TMEM237: variants seen among roughly 807,000 people sequenced by gnomAD.
TMEM237 encodes transmembrane protein 237, also known as amyotrophic lateral sclerosis 2 (juvenile) chromosome region, candidate 4.
Under a neutral mutation model 59.1 loss-of-function variants are expected in TMEM237, and 51 were observed. The observed-to-expected ratio is 0.86, with a 90% CI of 0.69 to 1.09. TMEM237 has a LOEUF of 1.09. TMEM237 is among the 50% of genes least tolerant of loss of function. TMEM237 has a pLI of 0.00. For synonymous variants in TMEM237, 140 were observed against 166.1 expected (o/e 0.84, Z 1.21); for missense variants, 475 against 478.3 (o/e 0.99, Z 0.06).
intron 1 of TMEM237, among the ~76,000 whole-genome samples, chr2:201,641,646 G>A (rs1384223097): frequency 1.7e-5 from 2 of 116,334 alleles, no homozygotes; most frequent in Admixed American, 9.0e-5. Flanking sequence ...TATGCAGCAT[G>A]TACGATAAAA....
intron 2 of TMEM237, 56 bp from the exon 3 acceptor site, chr2:201,640,321 A>G: frequency 6.7e-7 from 1 of 1,499,698 alleles, no homozygotes; most frequent in Non-Finnish European, 8.8e-7. Flanking sequence ...GACAAAAAAG[A>G]AACAATTAAT....
Position 201,620,189 on chromosome 2 carries a change from A to G in TMEM237, c.*4066T>C, listed in dbSNP as rs539207934. ...AAATGCAAACAGAACAAAACCAGAGAATTCCAGAACTTCTTTATTGTACAT... is the reference window on the plus strand; with the variant it reads ...AAATGCAAACAGAACAAAACCAGAGGATTCCAGAACTTCTTTATTGTACAT... On this transcript the variant is annotated 3_prime_UTR_variant, in exon 13 of 13. Transcript: ENST00000409883. The G allele has an allele frequency of 1.3e-5, 2 of 152,268 alleles. No homozygotes were observed. Among genetic ancestry groups the G allele is most frequent in the South Asian group, 4.1e-4 (2 of 4,828 alleles). The allele number at this position is 152,268 out of a possible 1,614,324, so 9.4% of individuals were successfully genotyped here.
chr2:201,642,034 T>A (rs561593275), intron 1 of TMEM237, among the ~76,000 whole-genome samples: 1 of 152,294 alleles, frequency 6.6e-6, no homozygotes, highest in South Asian at 2.1e-4. Flanking sequence ...ACACAATTTT[T>A]AAAAAGGCCA....
Position 201,624,127 on chromosome 2 carries a change from G to A in TMEM237, c.*128C>T. 2 of 525,074 alleles carry A rather than the reference G, an allele frequency of 3.8e-6. No individual in the cohort carries two copies. Among genetic ancestry groups the A allele is most frequent in the South Asian group, 4.4e-5 (1 of 22,626 alleles). The allele number at this position is 525,074 out of a possible 1,614,324, so 32.5% of individuals were successfully genotyped here. ...ATTTTAACATTTTTCATAATATTGA[G>A]AGATGTTTCAGTATTATATAATCAA... On this transcript the variant is annotated 3_prime_UTR_variant, in exon 13 of 13. Transcript: ENST00000409883.
In TMEM237 at chr2:201,622,649, A is replaced by G. The variant is rs1000633418; in HGVS notation, c.*1606T>C. The stretch of plus-strand genomic sequence containing the variant: ...CTTTCTTCTCTGCTTTTAAGGACTC[A>G]TAAGATTACACTGGACCCTTCTGGA... On this transcript the variant is annotated 3_prime_UTR_variant, in exon 13 of 13. Coordinates refer to ENST00000409883, the MANE Select transcript of TMEM237 (RefSeq NM_001044385.3). The G allele has an allele frequency of 6.6e-6, 1 of 152,298 alleles. No homozygotes were observed. 9.4% of individuals were successfully genotyped at this position (152,298 alleles called of 1,614,324 possible). A position where few individuals can be genotyped will look rare whatever the true frequency, so the allele number is the denominator to read the frequency against.
At chr2:201,631,990 T>A in intron 7 of TMEM237, 61 bp downstream of exon 7, 1 of 1,561,058 alleles carries the variant, frequency 6.4e-7, no homozygotes, top group Non-Finnish European at 8.7e-7. Flanking sequence ...TCCAGAAGTA[T>A]AAAGGATATC....
At chr2:201,637,109 CGAG>C (rs1553661506) in intron 4 of TMEM237, among the ~76,000 whole-genome samples, 3 of 151,936 alleles carry the variant, frequency 2.0e-5, no homozygotes, top group Non-Finnish European at 4.4e-5. Context: ...GAAGAAAAAA[CGAG>C]GGGGCTAAAA....
At chr2:201,627,488 G>T in intron 10 of TMEM237, 74 bp from the exon 11 acceptor site, 1 of 983,526 alleles carries the variant, frequency 1.0e-6, no homozygotes, top group Non-Finnish European at 1.5e-6. Context: ...GATTAATATC[G>T]AAAATAATCT....
Position 201,633,330 on chromosome 2 carries a change from T to C in TMEM237, c.376A>G (p.Lys126Glu). 1 of 1,599,250 alleles carries C rather than the reference T, an allele frequency of 6.3e-7. No homozygotes were observed. Among genetic ancestry groups the C allele is most frequent in the East Asian group, 2.2e-5 (1 of 44,452 alleles). ...TCCTACTTTGTCTTCCTCCGAGGTT[T>C]TTGAATAACTGCCTCCTCAGCTGGC... Reference protein sequence around the residue: ...AEPAEEAVIQKPRRKTKKTQP... With the variant: ...AEPAEEAVIQEPRRKTKKTQP... The change falls in exon 6 of 13, where the codon AAA (lysine) becomes GAA (glutamate). Residue 126 changes from lysine to glutamate, a missense_variant. By Grantham distance (56) the Lys-to-Glu change is moderately conservative. Transcript: ENST00000409883.
rs1687479569 is a variant in TMEM237, at chr2:201,643,494, G to A, written c.-94C>T. Reference sequence around the variant, plus strand: ...CGGCCTCCGGGACCTGTGGGACGCCGGGGCTTCGTGGCGCCTGGCGAGGCA... The same window carrying A: ...CGGCCTCCGGGACCTGTGGGACGCCAGGGCTTCGTGGCGCCTGGCGAGGCA... On this transcript the variant is annotated 5_prime_UTR_variant, in exon 1 of 13. Coordinates refer to ENST00000409883, the MANE Select transcript of TMEM237 (RefSeq NM_001044385.3). This position sits in a 1 kb window ranked among gnomAD's most constrained non-coding sequence, Gnocchi z 4.3. 23 of 1,123,176 alleles carry A rather than the reference G, an allele frequency of 2.0e-5. No homozygotes were observed. The highest frequency in any genetic ancestry group is 1.3e-4 in the Admixed American group (3 of 23,538). 69.6% of individuals were successfully genotyped at this position (1,123,176 alleles called of 1,614,324 possible). A position where few individuals can be genotyped will look rare whatever the true frequency, so the allele number is the denominator to read the frequency against.
chr2:201,640,959 A>C lies in TMEM237; in HGVS notation c.43-35T>G, dbSNP rs372771831. 7.1e-5 allele frequency: 114 copies of C among 1,594,436 alleles called. No homozygotes were observed. In the African/African-American group the frequency reaches 1.4e-3, roughly 20 times the overall value. ...AAAAAATAAATTTGCTTGTAAGTAA[A>C]AGCCTAGAGCATCTTTACTTCAAAT... On this transcript the variant is annotated intron_variant, in intron 1 of 12. Transcript: ENST00000409883.
rs934378758 is a variant in TMEM237, at chr2:201,620,643, G to A, written c.*3612C>T. On this transcript the variant is annotated 3_prime_UTR_variant, in exon 13 of 13. Transcript: ENST00000409883. ...ACAAGGATGTTGCCAGTTGGACATT[G>A]GACAGGGAGTTGCTGGGCAAATGTC... is the stretch of plus-strand genomic sequence containing the variant. 1.3e-5 allele frequency: 2 copies of A among 152,214 alleles called. No individual in the cohort carries two copies. The highest frequency in any genetic ancestry group is 2.9e-5 in the Non-Finnish European group (2 of 68,050). The allele number at this position is 152,214 out of a possible 1,614,324, so 9.4% of individuals were successfully genotyped here.
chr2:201,633,413 G>A lies in TMEM237; in HGVS notation c.293C>T (p.Thr98Ile), dbSNP rs1324625933. 3.9e-6 allele frequency: 6 copies of A among 1,556,388 alleles called. No individual in the cohort carries two copies. Among genetic ancestry groups the A allele is most frequent in the East Asian group, 2.4e-5 (1 of 42,462 alleles). The change falls in exon 6 of 13, where the codon ACC becomes ATC. Residue 98 changes from threonine to isoleucine, a missense_variant. Coordinates refer to ENST00000409883, the MANE Select transcript of TMEM237 (RefSeq NM_001044385.3). The part of the protein sequence containing the change: ...RLPLELETSS[T>I]QKKSSSSSLL... ...AGATGAACTAGATGACTTCTTTTGG[G>A]TGGAGGAAGTCTCCAATTCTGAAAA...
rs1027885921 is a variant in TMEM237, at chr2:201,624,285, A to C, written c.1197T>G (p.Asp399Glu). The change falls in exon 13 of 13, where the codon GAT becomes GAG. Residue 399 changes from aspartate to glutamate, a missense_variant. Asp to Glu is a conservative substitution (Grantham distance 45). Coordinates refer to ENST00000409883, the MANE Select transcript of TMEM237 (RefSeq NM_001044385.3). The part of the protein sequence containing the change: ...MFSSEVEEYP[D>E]KEKEIKASS ...AAGAGGCTTTGATTTCTTTCTCTTTATCAGGATATTCTTCCACCTCTGAGG... is the reference window on the plus strand; with the variant it reads ...AAGAGGCTTTGATTTCTTTCTCTTTCTCAGGATATTCTTCCACCTCTGAGG... 2 of 1,612,430 alleles carry C rather than the reference A, an allele frequency of 1.2e-6. No homozygotes were observed. Among genetic ancestry groups the C allele is most frequent in the African/African-American group, 2.7e-5 (2 of 75,020 alleles).
intron 6 of TMEM237, among the ~76,000 whole-genome samples, chr2:201,632,869 A>C (rs886726038): frequency 6.6e-6 from 1 of 152,186 alleles, no homozygotes; most frequent in African/African-American, 2.4e-5. Flanking sequence ...TATGACTTCC[A>C]GTGTTATTTC....
intron 1 of TMEM237, chr2:201,642,700 C>T (rs757627407): frequency 6.9e-6 from 11 of 1,583,262 alleles, no homozygotes; most frequent in African/African-American, 1.4e-5. Context: ...CTCGGTCGCG[C>T]GCGCAGGCGC....
At chr2:201,640,121 T>C (rs906383485) in intron 3 of TMEM237, 140 bp downstream of exon 3, 1 of 630,188 alleles carries the variant, frequency 1.6e-6, no homozygotes, top group African/African-American at 1.9e-5. Flanking sequence ...TTTTAAATGG[T>C]AGTCATGGGA....
chr2:201,630,375 A>G (rs1957797504), intron 7 of TMEM237, among the ~76,000 whole-genome samples: 1 of 152,234 alleles, frequency 6.6e-6, no homozygotes, highest in African/African-American at 2.4e-5. Flanking sequence ...ATTCCTGTGA[A>G]GAACATCAGT....
chr2:201,626,388 T>C (rs1957759156), intron 11 of TMEM237: 3 of 311,090 alleles, frequency 9.6e-6, no homozygotes, highest in Admixed American at 9.1e-5. Context: ...GCAAAGTTAG[T>C]ATTCCCAAGA....
Sources: allele counts gnomAD v4.1 joint callset (sites outside exome capture counted in the v4.1 genomes callset), GRCh38; gene constraint gnomAD v4.1.1; non-coding constraint Gnocchi (gnomAD v3.1); transcripts MANE v1.5; gene names NCBI Gene and HGNC (gene_info 2026-07-23, HGNC 2026-07-21).